The following MAPKBP1 variants were observed in gnomAD, a reference collection of about 807,000 sequenced individuals.
MAPKBP1 encodes the protein mitogen-activated protein kinase-binding protein 1.
A neutral mutation model predicts 170.5 loss-of-function variants in MAPKBP1; 71 were observed. The observed-to-expected ratio is 0.42, with a 90% CI of 0.34 to 0.51. The LOEUF (loss-of-function observed/expected upper bound fraction) is 0.51. Ranked by LOEUF, MAPKBP1 falls within the 20% of genes least tolerant of loss-of-function variation. The pLI is 0.06. For missense variants in MAPKBP1, 1,598 were observed against 1,933.0 expected (o/e 0.83, Z 3.25); for synonymous variants, 719 against 757.9 (o/e 0.95, Z 0.84).
chr15:41,812,667 G>T lies in MAPKBP1; in HGVS notation c.636+14G>T, dbSNP rs1157879271. The stretch of plus-strand genomic sequence containing the variant: ...AAGACCTCAAAGGTGAGGTGCTGAA[G>T]CTGGGAGTAGCCACCAAGGCCCCTG... On this transcript the variant is annotated intron_variant, in intron 7 of 30. Coordinates refer to ENST00000457542, the MANE Select transcript of MAPKBP1 (RefSeq NM_014994.3). 20 of 1,577,594 alleles carry T rather than the reference G, an allele frequency of 1.3e-5. No homozygotes were observed. The East Asian group carries it at 4.5e-4, about 35-fold the overall frequency.
Position 41,825,385 on chromosome 15 carries a change from C to T in MAPKBP1, c.4476C>T (p.Tyr1492=). Residue 1492 remains tyrosine, a synonymous_variant, in exon 31 of 31, where the codon TAC becomes TAT. Transcript: ENST00000457542. The stretch of plus-strand genomic sequence containing the variant: ...AGACACAGGCCCTGCTGGAGCAATA[C>T]TCAGAACTGTTGCTTCGAGCCGTGG... ...AEQTQALLEQ[Y]SELLLRAVER... 6.2e-7 allele frequency: 1 copy of T among 1,613,384 alleles called. No homozygotes were observed. Among genetic ancestry groups the T allele is most frequent in the Non-Finnish European group, 8.5e-7 (1 of 1,179,840 alleles).
At chr15:41,816,090 A>G (rs538399368) in intron 12 of MAPKBP1, among the ~76,000 whole-genome samples, 11 of 152,372 alleles carry the variant, frequency 7.2e-5, no homozygotes, top group African/African-American at 2.6e-4. Flanking sequence ...TATAGGCGTG[A>G]GAAAACATCC....
At chr15:41,823,330 A>G (rs2065033288) in intron 28 of MAPKBP1, 108 bp downstream of exon 28, 3 of 1,544,952 alleles carry the variant, frequency 1.9e-6, no homozygotes, top group Admixed American at 1.8e-5. Flanking sequence ...TGTGCTGGCC[A>G]CTAGGTGTCC....
At chr15:41,816,405 G>A in intron 12 of MAPKBP1, 154 bp from the exon 13 acceptor site, 1 of 594,236 alleles carries the variant, frequency 1.7e-6, no homozygotes. Flanking sequence ...CTGGGTAAGG[G>A]AAATATAGAC....
chr15:41,808,771 C>T (rs1475202476), intron 3 of MAPKBP1, among the ~76,000 whole-genome samples: 7 of 152,032 alleles, frequency 4.6e-5, no homozygotes, highest in South Asian at 4.1e-4. Context: ...CCACTGTGCC[C>T]GGCCTGTCAT....
intron 2 of MAPKBP1, among the ~76,000 whole-genome samples, chr15:41,796,469 A>C (rs2064490771): frequency 6.6e-6 from 1 of 152,152 alleles, no homozygotes. Context: ...AGATCCTTTG[A>C]AAGTGGAGCT....
At chr15:41,803,032 G>T (rs1040061508) in intron 3 of MAPKBP1, among the ~76,000 whole-genome samples, 14 of 152,154 alleles carry the variant, frequency 9.2e-5, no homozygotes, top group African/African-American at 3.4e-4. Context: ...TTCTATGCCA[G>T]GTACTTTTTA....
chr15:41,807,030 C>T (rs975356478), intron 3 of MAPKBP1, among the ~76,000 whole-genome samples: 2 of 152,182 alleles, frequency 1.3e-5, no homozygotes, highest in African/African-American at 4.8e-5. Flanking sequence ...GGATGGCTTC[C>T]AAATATCAAT....
chr15:41,781,269 T>C (rs750739406), intron 2 of MAPKBP1, among the ~76,000 whole-genome samples: 1 of 152,018 alleles, frequency 6.6e-6, no homozygotes, highest in East Asian at 1.9e-4. Context: ...AGAGACAGGA[T>C]TTCAACATGT....
chr15:41,819,557 G>GGGGGGGGGGGGGAC, intron 21 of MAPKBP1, 38 bp from the exon 22 acceptor site: 1 of 1,384,688 alleles, frequency 7.2e-7, no homozygotes, highest in Non-Finnish European at 1.0e-6. Context: ...CGGGGGGGGG[G>GGGGGGGGGGGGGAC]CAGGAGACAC....
chr15:41,806,374 A>G (rs2064694112), intron 3 of MAPKBP1, among the ~76,000 whole-genome samples: 1 of 152,188 alleles, frequency 6.6e-6, no homozygotes, highest in African/African-American at 2.4e-5. Flanking sequence ...AAAGAAAACA[A>G]TTCAAAGGCC....
chr15:41,797,833 G>A (rs2064517613), intron 2 of MAPKBP1, among the ~76,000 whole-genome samples: 1 of 152,148 alleles, frequency 6.6e-6, no homozygotes, highest in Non-Finnish European at 1.5e-5. Flanking sequence ...AGATAACCTT[G>A]GGGACCTTTC....
chr15:41,818,793 C>T lies in MAPKBP1; in HGVS notation c.2157-30C>T. On this transcript the variant is annotated intron_variant, in intron 19 of 30. Coordinates refer to ENST00000457542, the MANE Select transcript of MAPKBP1 (RefSeq NM_014994.3). This position sits in a 1 kb window ranked among gnomAD's most constrained non-coding sequence, Gnocchi z 5.2. ...GGCGCTAGCCATTCTACCTGCCCCT[C>T]CTTCAGCCAACTGTGTGGCTTTACC... is the stretch of plus-strand genomic sequence containing the variant. The T allele has an allele frequency of 3.1e-6, 5 of 1,611,004 alleles. No individual in the cohort carries two copies. Among genetic ancestry groups the T allele is most frequent in the Non-Finnish European group, 3.4e-6 (4 of 1,177,382 alleles).
At position 41,815,817 on chromosome 15, in the gene MAPKBP1, G is replaced by A. The variant is rs2064881167; in HGVS notation, c.1493+18G>A. The A allele has an allele frequency of 1.9e-6, 3 of 1,606,076 alleles. No homozygotes were observed. Among genetic ancestry groups the A allele is most frequent in the Admixed American group, 3.3e-5 (2 of 59,892 alleles). On this transcript the variant is annotated intron_variant, in intron 12 of 30. Coordinates refer to ENST00000457542, the MANE Select transcript of MAPKBP1 (RefSeq NM_014994.3). Reference sequence around the variant, plus strand: ...ACACTTAGGTAATGCCAGGCCCTGGGTGGGTACTGACTGCCTCTCATGGTG... The same window carrying A: ...ACACTTAGGTAATGCCAGGCCCTGGATGGGTACTGACTGCCTCTCATGGTG...
At chr15:41,823,260 T>TGCCAGG in intron 28 of MAPKBP1, 38 bp downstream of exon 28, 1 of 1,597,886 alleles carries the variant, frequency 6.3e-7, no homozygotes, top group Non-Finnish European at 8.5e-7. Flanking sequence ...GGGTGCAGGG[T>TGCCAGG]GTATGGAACA....
rs758811697 is a variant in MAPKBP1 at position 41,820,926 on chromosome 15, G to A, written c.2576G>A (p.Ser859Asn). Residue 859 changes from serine (S) to asparagine (N), a missense_variant, in exon 23 of 31, where the codon AGC becomes AAC. Transcript: ENST00000457542. The stretch of plus-strand genomic sequence containing the variant: ...TGGGTTCAGCCAGGTGTGGAACTGA[G>A]CGTTAGATCCATGCTGGATCTGCGG... ...GRWVQPGVELSVRSMLDLRQL... is the reference protein window; with the variant it reads ...GRWVQPGVELNVRSMLDLRQL... 2 of 1,614,208 alleles carry A rather than the reference G, an allele frequency of 1.2e-6. No homozygotes were observed. The highest frequency in any genetic ancestry group is 1.7e-6 in the Non-Finnish European group (2 of 1,180,042).
intron 2 of MAPKBP1, among the ~76,000 whole-genome samples, chr15:41,788,349 A>G (rs75309312): frequency 0.033 from 4,965 of 152,332 alleles, 136 homozygotes; most frequent in South Asian, 0.069. Flanking sequence ...ATAAGCATAC[A>G]GTTATATGAG....
Position 41,799,845 on chromosome 15 carries a change from G to A in MAPKBP1, c.137G>A (p.Gly46Glu). Residue 46 changes from glycine to glutamate, a missense_variant, in exon 3 of 31, where the codon GGA (glycine) becomes GAA (glutamate). Physicochemically the swap from Gly to Glu is moderately conservative, Grantham distance 98. Transcript: ENST00000457542. ...CAGGTGACCTTGGAGAAGGTGCTGG[G>A]AATTACAGTGTCTGGAGGCAGAGGA... is the stretch of plus-strand genomic sequence containing the variant. ...SSKVTLEKVL[G>E]ITVSGGRGLA... 1.9e-6 allele frequency: 3 copies of A among 1,614,108 alleles called. No individual in the cohort carries two copies. The highest frequency in any genetic ancestry group is 1.3e-5 in the African/African-American group (1 of 75,028).
At chr15:41,786,777 A>ATATATATATAT (rs1555448144) in intron 2 of MAPKBP1, among the ~76,000 whole-genome samples, 3 of 32,448 alleles carry the variant, frequency 9.2e-5, no homozygotes, top group African/African-American at 3.9e-4. Context: ...AAAAAAAAAA[A>ATATATATATAT]ATATATATAT....
Sources: gnomAD v4.1 joint callset for allele counts (sites outside exome capture counted in the v4.1 genomes callset) on GRCh38, gnomAD v4.1.1 for gene constraint, Gnocchi (gnomAD v3.1) non-coding constraint, MANE v1.5 for transcripts, NCBI Gene and HGNC (gene_info 2026-07-23, HGNC 2026-07-21) for gene names.